NLN: variants seen among roughly 807,000 people sequenced by gnomAD.
NLN encodes neurolysin.
Under a neutral mutation model 79.9 loss-of-function variants are expected in NLN, and 64 were observed. The observed-to-expected ratio is 0.80, with a 90% CI of 0.65 to 0.99. The LOEUF (loss-of-function observed/expected upper bound fraction) is 0.99. Among genes scored for constraint, NLN ranks in the 50% least tolerant of loss-of-function variants. NLN has a pLI of 0.00. For synonymous variants in NLN, 267 were observed against 296.6 expected (o/e 0.90, Z 1.02); for missense variants, 835 against 858.7 (o/e 0.97, Z 0.34).
intron 1 of NLN, among the ~76,000 whole-genome samples, chr5:65,757,624 A>T (rs1171993430): frequency 6.6e-6 from 1 of 152,218 alleles, no homozygotes; most frequent in African/African-American, 2.4e-5. Flanking sequence ...ATGCATATGT[A>T]TATAGACAGA....
chr5:65,782,965 C>G (rs898370895), intron 6 of NLN, among the ~76,000 whole-genome samples: 1 of 152,196 alleles, frequency 6.6e-6, no homozygotes, highest in Non-Finnish European at 1.5e-5. Context: ...TGGGTCCTTA[C>G]CTTCCATTCC....
chr5:65,746,280 A>T (rs1024560504), intron 1 of NLN, among the ~76,000 whole-genome samples: 1 of 152,240 alleles, frequency 6.6e-6, no homozygotes, highest in East Asian at 1.9e-4. Flanking sequence ...AGCCAGAGAC[A>T]TCAAATGAAA....
chr5:65,803,453 C>T (rs1760334835), intron 9 of NLN, among the ~76,000 whole-genome samples: 1 of 152,208 alleles, frequency 6.6e-6, no homozygotes, highest in African/African-American at 2.4e-5. Flanking sequence ...CAGGTTGTGA[C>T]AGTGCCTGGG....
intron 3 of NLN, among the ~76,000 whole-genome samples, chr5:65,766,541 C>T (rs903031007): frequency 6.6e-6 from 1 of 152,146 alleles, no homozygotes; most frequent in African/African-American, 2.4e-5. Context: ...TACAATTTGA[C>T]ATGAGATTTG....
chr5:65,739,426 A>C lies in NLN; in HGVS notation c.41+17012A>C, dbSNP rs1437372695. On this transcript the variant is annotated intron_variant, in intron 1 of 12. Transcript: ENST00000380985. ...TCTATATCCATTTGTCAGCTGATGG[A>C]CACAAGTTGATTCTATGTCTTGTCT... Among the ~76,000 whole-genome samples, 3 of 152,152 alleles carry C rather than the reference A, an allele frequency of 2.0e-5. No homozygotes were observed. In the East Asian group the frequency reaches 5.8e-4, roughly 29 times the overall value.
At position 65,823,166 on chromosome 5, in the gene NLN, TTTC is replaced by T. The variant is rs1760838129; in HGVS notation, c.*252_*254del. 2.6e-6 allele frequency: 1 copy of T among 378,474 alleles called. No homozygotes were observed. Among genetic ancestry groups the T allele is most frequent in the African/African-American group, 2.1e-5 (1 of 47,774 alleles). The allele number at this position is 378,474 out of a possible 1,614,324, so 23.4% of individuals were successfully genotyped here. A position where few individuals can be genotyped will look rare whatever the true frequency, so the allele number is the denominator to read the frequency against. ...TGGATTTGATTTCTTTTTATGAAAG[TTTC>T]ATATGAATGTAACTTGATTTTTTAC... On this transcript the variant is annotated 3_prime_UTR_variant, in exon 13 of 13. Transcript: ENST00000380985.
chr5:65,783,338 G>A (rs964060890), intron 6 of NLN, among the ~76,000 whole-genome samples: 1 of 152,140 alleles, frequency 6.6e-6, no homozygotes, highest in East Asian at 1.9e-4. Flanking sequence ...GTCAAGAGGT[G>A]AGTGGTCCAG....
chr5:65,733,484 T>C lies in NLN; in HGVS notation c.41+11070T>C, dbSNP rs1579907931. On this transcript the variant is annotated intron_variant, in intron 1 of 12. Transcript: ENST00000380985. Reference sequence around the variant, plus strand: ...AATTGTATCCTTCCCATCTGGAGAGTCTTGACAACAGGGGTCATGCCAATT... The same window carrying C: ...AATTGTATCCTTCCCATCTGGAGAGCCTTGACAACAGGGGTCATGCCAATT... The C allele has an allele frequency of 2.2e-6, 3 of 1,385,448 alleles. No individual in the cohort carries two copies. In the Admixed American group the frequency reaches 5.2e-5, roughly 24 times the overall value. 85.8% of individuals were successfully genotyped at this position (1,385,448 alleles called of 1,614,324 possible). A position where few individuals can be genotyped will look rare whatever the true frequency, so the allele number is the denominator to read the frequency against.
At position 65,790,033 on chromosome 5, in the gene NLN, CA is replaced by C. The variant is rs536504724; in HGVS notation, c.1325+1551del. 3.0e-4 allele frequency among the ~76,000 whole-genome samples: 45 copies of C among 152,246 alleles called. 1 individual carries two copies. Among genetic ancestry groups the C allele is most frequent in the African/African-American group, 1.0e-3 (42 of 41,542 alleles). On this transcript the variant is annotated intron_variant, in intron 8 of 12. Transcript: ENST00000380985. Reference sequence around the variant, plus strand: ...CATCTTCCCCAGATATCAGTGGTAACAATTATAAAAATGTTATAATTGTGTC... The same window carrying C: ...CATCTTCCCCAGATATCAGTGGTAACATTATAAAAATGTTATAATTGTGTC...
intron 1 of NLN, among the ~76,000 whole-genome samples, chr5:65,738,938 T>TATATATTATATATATA (rs1406669523): frequency 8.7e-6 from 1 of 115,218 alleles, no homozygotes; most frequent in Non-Finnish European, 1.8e-5. Flanking sequence ...GTATATATAT[T>TATATATTATATATATA]TTTTATATAT....
intron 6 of NLN, among the ~76,000 whole-genome samples, chr5:65,784,170 A>G (rs1759864520): frequency 6.6e-6 from 1 of 152,210 alleles, no homozygotes; most frequent in South Asian, 2.1e-4. Flanking sequence ...AAACCAGTCT[A>G]TAAATAATTT....
chr5:65,823,959 C>T lies in NLN; in HGVS notation c.*1044C>T, dbSNP rs1314768918. On this transcript the variant is annotated 3_prime_UTR_variant, in exon 13 of 13. Transcript: ENST00000380985. Reference sequence around the variant, plus strand: ...TTATGTGTATGATGAAACTTAACCACGGGGAAGAGACTCTTCAGTAGCCTG... The same window carrying T: ...TTATGTGTATGATGAAACTTAACCATGGGGAAGAGACTCTTCAGTAGCCTG... The T allele has an allele frequency of 2.6e-5, 4 of 152,244 alleles. No homozygotes were observed. Among genetic ancestry groups the T allele is most frequent in the East Asian group, 3.9e-4 (2 of 5,176 alleles). 9.4% of individuals were successfully genotyped at this position (152,244 alleles called of 1,614,324 possible). A position where few individuals can be genotyped will look rare whatever the true frequency, so the allele number is the denominator to read the frequency against.
intron 3 of NLN, among the ~76,000 whole-genome samples, chr5:65,769,588 G>T (rs938015259): frequency 6.6e-6 from 1 of 152,144 alleles, no homozygotes; most frequent in Admixed American, 6.6e-5. Flanking sequence ...TTGATTAAAT[G>T]GATGGAAGAA....
At chr5:65,724,878 T>A (rs1758427445) in intron 1 of NLN, among the ~76,000 whole-genome samples, 1 of 150,656 alleles carries the variant, frequency 6.6e-6, no homozygotes. Context: ...CTCGGCTCAC[T>A]GCAAGCGCCG....
Position 65,794,598 on chromosome 5 carries a change from C to T in NLN, c.1527+1943C>T, listed in dbSNP as rs910532391. On this transcript the variant is annotated intron_variant, in intron 9 of 12. Transcript: ENST00000380985. Reference sequence around the variant, plus strand: ...CCAGCCTGGGTGAAAAAGTGAGACCCGGTCTCAAAAGAAAAAAAAAATGCT... The same window carrying T: ...CCAGCCTGGGTGAAAAAGTGAGACCTGGTCTCAAAAGAAAAAAAAAATGCT... 5.9e-5 allele frequency among the ~76,000 whole-genome samples: 9 copies of T among 151,530 alleles called. No homozygotes were observed. The South Asian group carries it at 1.5e-3, about 25-fold the overall frequency.
At chr5:65,821,159 C>T (rs1288171272) in intron 12 of NLN, among the ~76,000 whole-genome samples, 1 of 151,978 alleles carries the variant, frequency 6.6e-6, no homozygotes, top group Non-Finnish European at 1.5e-5. Flanking sequence ...AAGCCCTCGT[C>T]GTCAGGTTTG....
At chr5:65,800,812 T>A (rs1348362973) in intron 9 of NLN, among the ~76,000 whole-genome samples, 1 of 151,914 alleles carries the variant, frequency 6.6e-6, no homozygotes, top group African/African-American at 2.4e-5. Flanking sequence ...CATCTCAGAC[T>A]CCTGAGTAGC....
At chr5:65,779,782 A>G (rs1759759003) in intron 4 of NLN, among the ~76,000 whole-genome samples, 1 of 152,222 alleles carries the variant, frequency 6.6e-6, no homozygotes, top group Non-Finnish European at 1.5e-5. Flanking sequence ...ATACACGTGG[A>G]CATGACATAG....
chr5:65,742,546 A>C (rs1758893408), intron 1 of NLN, among the ~76,000 whole-genome samples: 1 of 152,188 alleles, frequency 6.6e-6, no homozygotes. Flanking sequence ...CTCTATACTC[A>C]ACATACTTGT....
Sources: allele counts gnomAD v4.1 joint callset (sites outside exome capture counted in the v4.1 genomes callset), GRCh38; gene constraint gnomAD v4.1.1; transcripts MANE v1.5; gene names NCBI Gene and HGNC (gene_info 2026-07-23, HGNC 2026-07-21).